SLCO1B3: variants seen among roughly 807,000 people sequenced by gnomAD.
SLCO1B3 encodes solute carrier organic anion transporter family member 1B3.
In SLCO1B3, 72 loss-of-function variants were observed where a neutral mutation model predicts 71.8. The observed-to-expected ratio is 1.00, with a 90% CI of 0.83 to 1.22. The LOEUF is 1.22. Ranked by LOEUF, SLCO1B3 falls within the 50% of genes most tolerant of loss-of-function variation. The pLI is 0.00. For missense variants in SLCO1B3, 911 were observed against 819.7 expected (o/e 1.11, Z -1.36); for synonymous variants, 298 against 278.4 (o/e 1.07, Z -0.70).
At chr12:20,821,589 C>G (rs565056406) in intron 3 of SLCO1B3, among the ~76,000 whole-genome samples, 2 of 152,088 alleles carry the variant, frequency 1.3e-5, no homozygotes, top group South Asian at 4.2e-4. Flanking sequence ...TTCTTGCCCC[C>G]TAGAAAAGCG....
chr12:20,855,643 T>C (rs2121226436), intron 4 of SLCO1B3, among the ~76,000 whole-genome samples: 1 of 125,176 alleles, frequency 8.0e-6, no homozygotes, highest in East Asian at 2.4e-4. Context: ...GTGTACAACA[T>C]TGGGGGTTTA....
intron 4 of SLCO1B3, among the ~76,000 whole-genome samples, chr12:20,858,062 A>G (rs920932226): frequency 5.3e-5 from 8 of 152,146 alleles, no homozygotes; most frequent in African/African-American, 1.9e-4. Flanking sequence ...TGGTAGGTAC[A>G]TAGTATAAAT....
intron 3 of SLCO1B3, among the ~76,000 whole-genome samples, chr12:20,841,610 G>A (rs914136131): frequency 5.3e-5 from 8 of 152,108 alleles, no homozygotes; most frequent in African/African-American, 1.9e-4. Context: ...GGGTACATAT[G>A]CAGGTTTGTT....
chr12:20,866,431 G>A (rs75431130), intron 8 of SLCO1B3, among the ~76,000 whole-genome samples: 2,052 of 149,156 alleles, frequency 0.014, 37 homozygotes, highest in Non-Finnish European at 0.018. Flanking sequence ...ATGCAAGATT[G>A]CTATCAGAAA....
At chr12:20,906,957 A>G (rs1383422045) in intron 15 of SLCO1B3, among the ~76,000 whole-genome samples, 2 of 152,046 alleles carry the variant, frequency 1.3e-5, no homozygotes, top group Non-Finnish European at 2.9e-5. Flanking sequence ...GTAAGAACCA[A>G]TCAAGAAGAT....
rs1865683375 is a variant in SLCO1B3, at chr12:20,881,004, G to A, written c.1481G>A (p.Gly494Asp). 6.2e-7 allele frequency: 1 copy of A among 1,607,942 alleles called. No homozygotes were observed. The highest frequency in any genetic ancestry group is 1.3e-5 in the African/African-American group (1 of 74,598). Residue 494 changes from glycine (G) to aspartate (D), a missense_variant, in exon 12 of 16, where the codon GGT (glycine) becomes GAT (aspartate). By Grantham distance (94) the Gly-to-Asp change is moderately conservative. Transcript: ENST00000381545. ...CTAGCAGGATGCAAATCCTCAAGTG[G>A]TATTAAAAAGCATACAGTGAGTATT... ...PCLAGCKSSS[G>D]IKKHTVFYNC...
intron 4 of SLCO1B3, among the ~76,000 whole-genome samples, chr12:20,856,963 TA>T (rs1565591118): frequency 4.4e-5 from 4 of 91,776 alleles, no homozygotes; most frequent in South Asian, 1.4e-3. Context: ...TGACTGTAAT[TA>T]TTTTTTTTTA....
intron 8 of SLCO1B3, among the ~76,000 whole-genome samples, chr12:20,870,833 G>A (rs1456046657): frequency 6.6e-6 from 1 of 152,166 alleles, no homozygotes; most frequent in Non-Finnish European, 1.5e-5. Context: ...ATTTGAATCT[G>A]TGGATATATT....
chr12:20,829,759 C>G (rs1347741974), intron 3 of SLCO1B3, among the ~76,000 whole-genome samples: 1 of 152,112 alleles, frequency 6.6e-6, no homozygotes, highest in Non-Finnish European at 1.5e-5. Flanking sequence ...GCTGGTTACC[C>G]ATTTTTATGG....
intron 8 of SLCO1B3, among the ~76,000 whole-genome samples, chr12:20,866,671 T>A (rs536369239): frequency 6.6e-6 from 1 of 151,954 alleles, no homozygotes; most frequent in Non-Finnish European, 1.5e-5. Flanking sequence ...AAGAAAGTCA[T>A]TGAGGAGAAA....
chr12:20,853,573 A>G (rs889770680), intron 3 of SLCO1B3, among the ~76,000 whole-genome samples: 5 of 152,090 alleles, frequency 3.3e-5, no homozygotes, highest in Admixed American at 2.0e-4. Flanking sequence ...CAGCCGTTGT[A>G]ATGCCTGCTC....
chr12:20,903,357 A>T (rs1866168181), intron 15 of SLCO1B3, among the ~76,000 whole-genome samples: 1 of 152,216 alleles, frequency 6.6e-6, no homozygotes, highest in Non-Finnish European at 1.5e-5. Flanking sequence ...TAAGTAAACT[A>T]TGTTACATTC....
At chr12:20,871,718 G>A (rs1847816543) in intron 8 of SLCO1B3, among the ~76,000 whole-genome samples, 1 of 152,120 alleles carries the variant, frequency 6.6e-6, no homozygotes, top group African/African-American at 2.4e-5. Flanking sequence ...TTTCTCCAAA[G>A]CAAATGTAGT....
intron 8 of SLCO1B3, among the ~76,000 whole-genome samples, chr12:20,866,762 T>G (rs1435884931): frequency 2.0e-5 from 3 of 151,998 alleles, no homozygotes; most frequent in Non-Finnish European, 4.4e-5. Flanking sequence ...CACTTATTAA[T>G]GAGGAAGATA....
chr12:20,823,481 T>A (rs1864360587), intron 3 of SLCO1B3, among the ~76,000 whole-genome samples: 1 of 152,190 alleles, frequency 6.6e-6, no homozygotes, highest in Non-Finnish European at 1.5e-5. Context: ...TATAGAAGCA[T>A]AATTTTTCTC....
chr12:20,831,878 T>C (rs141907179), intron 3 of SLCO1B3, among the ~76,000 whole-genome samples: 263 of 152,262 alleles, frequency 1.7e-3, no homozygotes, highest in African/African-American at 6.1e-3. Flanking sequence ...ATATGAGATA[T>C]TGCGCTAGTG....
intron 4 of SLCO1B3, among the ~76,000 whole-genome samples, chr12:20,858,019 GA>G (rs1865175972): frequency 6.6e-6 from 1 of 151,858 alleles, no homozygotes; most frequent in South Asian, 2.1e-4. Context: ...CAAGTACCAC[GA>G]TTTTTTTTTA....
At position 20,879,631 on chromosome 12, in the gene SLCO1B3, G is replaced by C. The variant is rs773176181; in HGVS notation, c.1331G>C (p.Gly444Ala). The change falls in exon 11 of 16, where the codon GGA becomes GCA. Residue 444 changes from glycine (G) to alanine (A), a missense_variant and splice_region_variant. By Grantham distance (60) the Gly-to-Ala change is moderately conservative (BLOSUM62 0). Coordinates refer to ENST00000381545, the MANE Select transcript of SLCO1B3 (RefSeq NM_019844.4). ...SVAGLTLTYD[G>A]NNSVASHVDV... is the part of the protein sequence containing the mutation. ...GCCGGCCTAACCTTGACCTATGATG[G>C]GTTTGTATATATTGCTATATAAATT... is the stretch of plus-strand genomic sequence containing the variant. 17 of 1,589,056 alleles carry C rather than the reference G, an allele frequency of 1.1e-5. No individual in the cohort carries two copies. Among genetic ancestry groups the C allele is most frequent in the Admixed American group, 3.5e-5 (2 of 57,382 alleles).
At chr12:20,836,567 T>G (rs1864683467) in intron 3 of SLCO1B3, among the ~76,000 whole-genome samples, 1 of 152,170 alleles carries the variant, frequency 6.6e-6, no homozygotes, top group Admixed American at 6.5e-5. Context: ...TGTATACAAT[T>G]AGTATAACAT....
Sources: allele counts gnomAD v4.1 joint callset (sites outside exome capture counted in the v4.1 genomes callset), GRCh38; gene constraint gnomAD v4.1.1; transcripts MANE v1.5; gene names NCBI Gene and HGNC (gene_info 2026-07-23, HGNC 2026-07-21).